FGGY: variants seen among roughly 807,000 people sequenced by gnomAD.
FGGY encodes the protein FGGY carbohydrate kinase domain-containing protein.
FGGY carries 72 observed loss-of-function variants against 71.3 expected under a neutral mutation model. The observed-to-expected ratio is 1.01, with a 90% CI of 0.84 to 1.23. The LOEUF (loss-of-function observed/expected upper bound fraction) is 1.23. Ranked by LOEUF, FGGY falls within the 50% of genes most tolerant of loss-of-function variation. The pLI, the probability that FGGY is intolerant of heterozygous loss-of-function variation, is 0.00. For synonymous variants in FGGY, 251 were observed against 250.3 expected, an observed-to-expected ratio of 1.00 and a Z score of -0.02; for missense variants, 668 against 682.3, an observed-to-expected ratio of 0.98 and a Z score of 0.23.
chr1:59,589,826 G>C (rs1203690591), intron 8 of FGGY, among the ~76,000 whole-genome samples: 2 of 152,140 alleles, frequency 1.3e-5, no homozygotes, highest in African/African-American at 4.8e-5. Context: ...ATGCCCACAA[G>C]AGAAAGCAGG....
intron 4 of FGGY, among the ~76,000 whole-genome samples, chr1:59,368,858 G>A (rs190030232): frequency 8.4e-4 from 128 of 152,204 alleles, no homozygotes; most frequent in African/African-American, 3.0e-3. Context: ...TTGGGAGGCC[G>A]AAGTGGGTGG....
At chr1:59,502,763 C>T (rs2094266149) in intron 6 of FGGY, among the ~76,000 whole-genome samples, 1 of 152,166 alleles carries the variant, frequency 6.6e-6, no homozygotes, top group African/African-American at 2.4e-5. Context: ...GGGAAGCCAC[C>T]TCCTTCTCTG....
intron 14 of FGGY, among the ~76,000 whole-genome samples, chr1:59,728,221 G>A (rs2097973388): frequency 6.6e-6 from 1 of 151,638 alleles, no homozygotes; most frequent in South Asian, 2.1e-4. Flanking sequence ...AGGTAGTAAT[G>A]TCCCTAATGT....
At chr1:59,572,004 G>T (rs1424190870) in intron 8 of FGGY, among the ~76,000 whole-genome samples, 1 of 152,220 alleles carries the variant, frequency 6.6e-6, no homozygotes, top group Non-Finnish European at 1.5e-5. Context: ...GCTTGGAATT[G>T]CAGGTTGTTG....
At chr1:59,651,972 T>G (rs910448006) in intron 11 of FGGY, among the ~76,000 whole-genome samples, 6 of 151,494 alleles carry the variant, frequency 4.0e-5, no homozygotes, top group South Asian at 4.2e-4. Context: ...TCTCAGCATT[T>G]GCTTGTCTGT....
chr1:59,593,811 C>T (rs2096486932), intron 8 of FGGY, among the ~76,000 whole-genome samples: 1 of 152,168 alleles, frequency 6.6e-6, no homozygotes, highest in Admixed American at 6.5e-5. Flanking sequence ...GGACCTGACA[C>T]ATAGAAGGTG....
At chr1:59,568,619 G>A (rs748522958) in intron 8 of FGGY, among the ~76,000 whole-genome samples, 4 of 152,074 alleles carry the variant, frequency 2.6e-5, no homozygotes, top group Admixed American at 6.6e-5. Context: ...TACACTGTCC[G>A]TGTGTGCGTC....
intron 8 of FGGY, among the ~76,000 whole-genome samples, chr1:59,578,432 C>G (rs1166818278): frequency 6.6e-6 from 1 of 151,988 alleles, no homozygotes; most frequent in Non-Finnish European, 1.5e-5. Flanking sequence ...CCCCAAAACA[C>G]CCAGCTGTCC....
chr1:59,467,737 A>G (rs1044519841), intron 6 of FGGY, among the ~76,000 whole-genome samples: 9 of 152,206 alleles, frequency 5.9e-5, no homozygotes, highest in African/African-American at 2.2e-4. Flanking sequence ...CATCCCTATG[A>G]GACTGTACTT....
At chr1:59,733,919 T>C (rs9436185) in intron 14 of FGGY, among the ~76,000 whole-genome samples, 17,325 of 152,246 alleles carry the variant, frequency 0.11, 1,060 homozygotes, top group South Asian at 0.2. Context: ...GCATCTCTCA[T>C]ATCTGGGTGA....
At chr1:59,321,011 T>C (rs2046288232) in intron 1 of FGGY, among the ~76,000 whole-genome samples, 2 of 152,328 alleles carry the variant, frequency 1.3e-5, no homozygotes, top group South Asian at 4.1e-4. Context: ...AAAACAGAGA[T>C]GTAAATAGCC....
chr1:59,359,280 T>G (rs183409216), intron 4 of FGGY, among the ~76,000 whole-genome samples: 89 of 152,358 alleles, frequency 5.8e-4, no homozygotes, highest in Admixed American at 5.0e-3. Flanking sequence ...ATAACACATT[T>G]GTTTGGCATA....
chr1:59,673,980 G>T, intron 13 of FGGY, 59 bp from the exon 14 acceptor site: 1 of 1,501,388 alleles, frequency 6.7e-7, no homozygotes, highest in Non-Finnish European at 9.2e-7. Flanking sequence ...GCTGCTTGTT[G>T]GCTCCTCACA....
At chr1:59,752,067 G>A (rs1447406919) in intron 14 of FGGY, among the ~76,000 whole-genome samples, 1 of 152,210 alleles carries the variant, frequency 6.6e-6, no homozygotes, top group African/African-American at 2.4e-5. Context: ...ATGACTGACT[G>A]ATGTGTGGCC....
intron 14 of FGGY, among the ~76,000 whole-genome samples, chr1:59,753,208 T>C (rs1179317188): frequency 6.6e-6 from 1 of 152,102 alleles, no homozygotes; most frequent in Non-Finnish European, 1.5e-5. Context: ...ATTTAGCATG[T>C]GTCAGCATTT....
At chr1:59,750,465 T>C (rs2101670403) in intron 14 of FGGY, among the ~76,000 whole-genome samples, 2 of 152,352 alleles carry the variant, frequency 1.3e-5, no homozygotes, top group South Asian at 4.1e-4. Context: ...TGATGAATTT[T>C]GATGAAGTAT....
chr1:59,546,538 T>TGATGATG (rs1558303817), intron 7 of FGGY, among the ~76,000 whole-genome samples: 3 of 131,752 alleles, frequency 2.3e-5, no homozygotes, highest in Non-Finnish European at 5.2e-5. Flanking sequence ...TGATGATGAT[T>TGATGATG]ATTATTATTA....
At chr1:59,672,573 G>GCAAT (rs763201046) in intron 13 of FGGY, among the ~76,000 whole-genome samples, 39 of 152,300 alleles carry the variant, frequency 2.6e-4, no homozygotes, top group Non-Finnish European at 3.5e-4. Context: ...CACCATGTTG[G>GCAAT]CAATGTCTTA....
intron 14 of FGGY, among the ~76,000 whole-genome samples, chr1:59,741,956 A>T (rs1449163293): frequency 2.0e-5 from 3 of 150,786 alleles, no homozygotes; most frequent in Non-Finnish European, 4.4e-5. Flanking sequence ...AAAAAAAAAA[A>T]AGCCAGTCAC....
Sources: gnomAD v4.1 joint callset for allele counts (sites outside exome capture counted in the v4.1 genomes callset) on GRCh38, gnomAD v4.1.1 for gene constraint, MANE v1.5 for transcripts, NCBI Gene and HGNC (gene_info 2026-07-23, HGNC 2026-07-21) for gene names.